Variants in PGM1 observed in about 807,000 individuals in gnomAD.
PGM1 encodes the protein phosphoglucomutase-1.
PGM1 carries 52 observed loss-of-function variants against 55.6 expected under a neutral mutation model. That is an observed-to-expected ratio of 0.94 (90% CI 0.75 to 1.18). PGM1 has a LOEUF of 1.18. PGM1 is among the 50% of genes most tolerant of loss of function. The pLI, the probability that PGM1 is intolerant of heterozygous loss-of-function variation, is 0.00. For missense variants in PGM1, 724 were observed against 729.3 expected (o/e 0.99, Z 0.08); for synonymous variants, 287 against 271.7 (o/e 1.06, Z -0.55).
intron 1 of PGM1, among the ~76,000 whole-genome samples, chr1:63,624,405 C>T (rs1429526449): frequency 6.6e-6 from 1 of 152,150 alleles, no homozygotes; most frequent in Non-Finnish European, 1.5e-5. Flanking sequence ...TAGTATGAGG[C>T]GGCTCTGCTA....
intron 1 of PGM1, among the ~76,000 whole-genome samples, chr1:63,615,153 C>T (rs1648676012): frequency 6.6e-6 from 1 of 152,216 alleles, no homozygotes; most frequent in Admixed American, 6.5e-5. Flanking sequence ...AAACCCATTG[C>T]ATCTATGCCC....
Position 63,593,749 on chromosome 1 carries a change from G to A in PGM1, c.246+15G>A. The stretch of plus-strand genomic sequence containing the variant: ...CCGCCAACGGGGTAAGGGATGCGCG[G>A]CCCCGCGCCGCTGTGCACCCTGGCG... On this transcript the variant is annotated intron_variant, in intron 1 of 10. Coordinates refer to ENST00000371084, the MANE Select transcript of PGM1 (RefSeq NM_002633.3). The A allele has an allele frequency of 6.3e-7, 1 of 1,579,988 alleles. No individual in the cohort carries two copies. Among genetic ancestry groups the A allele is most frequent in the Non-Finnish European group, 8.6e-7 (1 of 1,169,126 alleles).
At chr1:63,651,271 G>A (rs755056311) in intron 8 of PGM1, 3 of 210,098 alleles carry the variant, frequency 1.4e-5, no homozygotes, top group Non-Finnish European at 2.9e-5. Context: ...GAGCTTGGAG[G>A]AGAAGTGCCT....
At chr1:63,623,123 A>C in intron 1 of PGM1, 1 of 769,400 alleles carries the variant, frequency 1.3e-6, no homozygotes, top group Non-Finnish European at 1.6e-6. Flanking sequence ...TGCATGCAGC[A>C]CTCCTTGGAG....
Position 63,651,855 on chromosome 1 carries a change from A to G in PGM1, c.1464+3A>G, listed in dbSNP as rs755641918. 1.9e-6 allele frequency: 3 copies of G among 1,613,200 alleles called. No individual in the cohort carries two copies. The highest frequency in any genetic ancestry group is 3.3e-5 in the Admixed American group (2 of 60,028). On this transcript the variant is annotated splice_donor_region_variant and intron_variant, in intron 9 of 10. Coordinates refer to ENST00000371084, the MANE Select transcript of PGM1 (RefSeq NM_002633.3). ...ATGGAAGCATTTCAAGAAATCAGGT[A>G]GAAACAGACCGGTGTGTAAGTGAGA... is the stretch of plus-strand genomic sequence containing the variant.
Position 63,649,630 on chromosome 1 carries a change from A to C in PGM1, c.1280+978A>C, listed in dbSNP as rs566159069. Among the ~76,000 whole-genome samples, 15 of 152,380 alleles carry C rather than the reference A, an allele frequency of 9.8e-5. No homozygotes were observed. The South Asian group carries it at 1.4e-3, about 15-fold the overall frequency. On this transcript the variant is annotated intron_variant, in intron 8 of 10. Transcript: ENST00000371084. ...ATTTTATAGTCCGTGATCTCTGGAT[A>C]GTCAAGAAAGAATTCAACTAAGTAA...
chr1:63,611,335 A>G (rs1345504653), intron 1 of PGM1, among the ~76,000 whole-genome samples: 1 of 152,102 alleles, frequency 6.6e-6, no homozygotes, highest in East Asian at 1.9e-4. Context: ...CAGCCCTTGC[A>G]AAACAAGGAG....
chr1:63,658,613 G>A (rs1320974042), intron 10 of PGM1, among the ~76,000 whole-genome samples: 3 of 152,042 alleles, frequency 2.0e-5, no homozygotes, highest in East Asian at 1.9e-4. Context: ...TTAGCCGGGC[G>A]TGGTGGCGCA....
Position 63,631,676 on chromosome 1 carries a change from A to G in PGM1, c.576A>G (p.Val192=). Residue 192 remains valine, a synonymous_variant, in exon 4 of 11, where the codon GTA becomes GTG. Transcript: ENST00000371084. ...TCACAGTGGAAATTGTGGATTCGGTAGAAGCTTATGCTACAATGCTGAGAA... is the reference window on the plus strand; with the variant it reads ...TCACAGTGGAAATTGTGGATTCGGTGGAAGCTTATGCTACAATGCTGAGAA... The part of the protein sequence containing the change: ...KPFTVEIVDS[V]EAYATMLRSI... The G allele has an allele frequency of 6.2e-7, 1 of 1,613,466 alleles. No individual in the cohort carries two copies. Among genetic ancestry groups the G allele is most frequent in the South Asian group, 1.1e-5 (1 of 91,078 alleles).
At chr1:63,600,681 A>G (rs1417869172) in intron 1 of PGM1, among the ~76,000 whole-genome samples, 1 of 152,242 alleles carries the variant, frequency 6.6e-6, no homozygotes, top group East Asian at 1.9e-4. Context: ...AGAGACCTGA[A>G]TGAAGTGAAG....
chr1:63,631,919 G>A, intron 4 of PGM1, 137 bp downstream of exon 4: 1 of 849,672 alleles, frequency 1.2e-6, no homozygotes, highest in Admixed American at 1.9e-5. Flanking sequence ...TGCAACCAGA[G>A]CAATATTCAC....
intron 1 of PGM1, among the ~76,000 whole-genome samples, chr1:63,617,701 C>A (rs1463257392): frequency 1.5e-5 from 2 of 129,316 alleles, no homozygotes; most frequent in African/African-American, 5.7e-5. Flanking sequence ...GCACTCCAGC[C>A]TGGGAGACAG....
intron 1 of PGM1, among the ~76,000 whole-genome samples, chr1:63,628,831 G>C (rs1649108793): frequency 6.6e-6 from 1 of 152,100 alleles, no homozygotes; most frequent in Non-Finnish European, 1.5e-5. Context: ...AGGCCCAGGA[G>C]GTAACCCAGG....
intron 8 of PGM1, among the ~76,000 whole-genome samples, chr1:63,650,405 C>T (rs1290639890): frequency 6.6e-6 from 1 of 152,068 alleles, no homozygotes; most frequent in Admixed American, 6.6e-5. Context: ...TCTGGAGTAC[C>T]CAGAGGTCAA....
At chr1:63,628,051 G>T (rs1557430116) in intron 1 of PGM1, among the ~76,000 whole-genome samples, 1 of 152,158 alleles carries the variant, frequency 6.6e-6, no homozygotes, top group Non-Finnish European at 1.5e-5. Flanking sequence ...GAATGAATGG[G>T]CAGGATCATG....
intron 7 of PGM1, among the ~76,000 whole-genome samples, chr1:63,640,267 G>A (rs896133943): frequency 1.2e-4 from 19 of 152,096 alleles, no homozygotes; most frequent in Admixed American, 4.6e-4. Flanking sequence ...TATCAGTGTT[G>A]AGCCTAGTGA....
At chr1:63,604,946 TG>T (rs1557703382) in intron 1 of PGM1, among the ~76,000 whole-genome samples, 1,833 of 146,692 alleles carry the variant, frequency 0.012, 43 homozygotes, top group African/African-American at 0.043. Context: ...TGTGTGTGTG[TG>T]TGTGTGTGTG....
intron 1 of PGM1, chr1:63,623,100 A>T: frequency 2.1e-6 from 1 of 476,858 alleles, no homozygotes; most frequent in Non-Finnish European, 2.8e-6. Flanking sequence ...TGGTGTTTAC[A>T]GCTGAAGTTG....
At chr1:63,610,330 G>A (rs1459856643) in intron 1 of PGM1, among the ~76,000 whole-genome samples, 7 of 151,934 alleles carry the variant, frequency 4.6e-5, no homozygotes, top group African/African-American at 7.3e-5. Context: ...ACACAGTTTC[G>A]TCTAGTTCTC....
Sources: allele counts gnomAD v4.1 joint callset (sites outside exome capture counted in the v4.1 genomes callset), GRCh38; gene constraint gnomAD v4.1.1; transcripts MANE v1.5; gene names NCBI Gene and HGNC (gene_info 2026-07-23, HGNC 2026-07-21).